Variants in RAB11FIP4 observed in about 807,000 individuals in gnomAD.
The protein encoded by RAB11FIP4 is RAB11 family interacting protein 4, also known as rab11 family-interacting protein 4.
RAB11FIP4 carries 23 observed loss-of-function variants against 74.3 expected under a neutral mutation model. That is an observed-to-expected ratio of 0.31 (90% CI 0.22 to 0.44). The LOEUF (loss-of-function observed/expected upper bound fraction) is 0.44, where lower values mean the gene tolerates loss of function less well. Ranked by LOEUF, RAB11FIP4 falls within the 20% of genes least tolerant of loss-of-function variation. The pLI is 1.00. For synonymous variants in RAB11FIP4, 360 were observed against 359.9 expected (o/e 1.00, Z 0.00); for missense variants, 630 against 863.9 (o/e 0.73, Z 3.39).
At chr17:31,517,189 TGCG>T (rs1198671406) in intron 3 of RAB11FIP4, among the ~76,000 whole-genome samples, 5 of 3,132 alleles carry the variant, frequency 1.6e-3, no homozygotes, top group African/African-American at 3.1e-3. Flanking sequence ...GAGGAGGCGG[TGCG>T]GGGGGGGGGG....
At chr17:31,440,780 C>G (rs368384651) in intron 3 of RAB11FIP4, among the ~76,000 whole-genome samples, 2 of 152,114 alleles carry the variant, frequency 1.3e-5, no homozygotes, top group African/African-American at 4.8e-5. Context: ...CACACACACA[C>G]AAAAACAAAT....
intron 11 of RAB11FIP4, among the ~76,000 whole-genome samples, 175 bp from the exon 12 acceptor site, chr17:31,528,231 A>G (rs994432763): frequency 1.3e-5 from 2 of 152,198 alleles, no homozygotes; most frequent in Non-Finnish European, 2.9e-5. Flanking sequence ...TATTTCTAGA[A>G]TCATCGGGGC....
chr17:31,432,413 C>T (rs537750995), intron 2 of RAB11FIP4, among the ~76,000 whole-genome samples: 55 of 150,784 alleles, frequency 3.6e-4, no homozygotes, highest in Admixed American at 1.3e-3. Context: ...TACTGGAGTG[C>T]AGTGCCACTA....
intron 1 of RAB11FIP4, among the ~76,000 whole-genome samples, chr17:31,427,629 A>C (rs2071266492): frequency 6.6e-6 from 1 of 151,872 alleles, no homozygotes; most frequent in African/African-American, 2.4e-5. Flanking sequence ...TCTGTGGCCG[A>C]CTCCACCCTT....
intron 14 of RAB11FIP4, 40 bp from the exon 15 acceptor site, chr17:31,531,576 C>T: frequency 7.1e-7 from 1 of 1,405,344 alleles, no homozygotes; most frequent in Non-Finnish European, 1.0e-6. Flanking sequence ...GCACCCTATC[C>T]CAGGCCCAGC....
At chr17:31,527,603 AG>A in intron 10 of RAB11FIP4, 2 of 476,794 alleles carry the variant, frequency 4.2e-6, no homozygotes, top group Non-Finnish European at 3.6e-6. Flanking sequence ...CAAAAAAAAA[AG>A]AAAGAAAATA....
At position 31,512,412 on chromosome 17, in the gene RAB11FIP4, G is replaced by A. The variant is rs1339532137; in HGVS notation, c.337-5239G>A. 6.6e-6 allele frequency among the ~76,000 whole-genome samples: 1 copy of A among 152,116 alleles called. No individual in the cohort carries two copies. Among genetic ancestry groups the A allele is most frequent in the East Asian group, 1.9e-4 (1 of 5,192 alleles). On this transcript the variant is annotated intron_variant, in intron 3 of 14. Transcript: ENST00000621161. The surrounding 1 kb of genome is among the most constrained non-coding windows in gnomAD (Gnocchi z 4.1). ...CAGGGCCGGAAACCCAGACTGCTAGGCCCCAGAGCTGAGCCCTCACCCAAG... is the reference window on the plus strand; with the variant it reads ...CAGGGCCGGAAACCCAGACTGCTAGACCCCAGAGCTGAGCCCTCACCCAAG...
chr17:31,517,202 G>A (rs2072571945), intron 3 of RAB11FIP4, among the ~76,000 whole-genome samples: 1 of 103,536 alleles, frequency 9.7e-6, no homozygotes, highest in Non-Finnish European at 2.1e-5. Flanking sequence ...GGGGGGGGGG[G>A]CGGTGGGGGG....
chr17:31,455,646 C>T (rs1402066499), intron 3 of RAB11FIP4, among the ~76,000 whole-genome samples: 1 of 57,318 alleles, frequency 1.7e-5, no homozygotes, highest in Non-Finnish European at 3.2e-5. Flanking sequence ...AGTGGGTCTG[C>T]TCTGATAATG....
Position 31,505,614 on chromosome 17 carries a change from ATATAATAT to A in RAB11FIP4, c.337-12036_337-12029del, listed in dbSNP as rs1354867755. Among the ~76,000 whole-genome samples, 50 of 37,934 alleles carry A rather than the reference ATATAATAT, an allele frequency of 1.3e-3. No individual in the cohort carries two copies. The East Asian group carries it at 0.029, about 22-fold the overall frequency. 24.9% of individuals were successfully genotyped at this position (37,934 alleles called of 152,430 possible). The stretch of plus-strand genomic sequence containing the variant: ...TTATATATTATATAATAATAATTAT[ATATAATAT>A]ATAATTATATAATAATAATTATATA... On this transcript the variant is annotated intron_variant, in intron 3 of 14. Coordinates refer to ENST00000621161, the MANE Select transcript of RAB11FIP4 (RefSeq NM_032932.6).
Position 31,500,734 on chromosome 17 carries a change from A to G in RAB11FIP4, c.337-16917A>G, listed in dbSNP as rs566131117. 7.9e-5 allele frequency among the ~76,000 whole-genome samples: 12 copies of G among 152,310 alleles called. No homozygotes were observed. In the East Asian group the frequency reaches 2.3e-3, roughly 29 times the overall value. On this transcript the variant is annotated intron_variant, in intron 3 of 14. Coordinates refer to ENST00000621161, the MANE Select transcript of RAB11FIP4 (RefSeq NM_032932.6). ...ATACTACTGAGAGAATGCACAAGAAAATGGAAGTGGCTGGGCATGGTGGCT... is the reference window on the plus strand; with the variant it reads ...ATACTACTGAGAGAATGCACAAGAAGATGGAAGTGGCTGGGCATGGTGGCT...
intron 1 of RAB11FIP4, among the ~76,000 whole-genome samples, chr17:31,414,974 T>C (rs2071133300): frequency 6.6e-6 from 1 of 152,192 alleles, no homozygotes; most frequent in Non-Finnish European, 1.5e-5. Context: ...TCCCCTTCCA[T>C]TGAGCTTCCC....
At chr17:31,504,623 A>G (rs1368718251) in intron 3 of RAB11FIP4, among the ~76,000 whole-genome samples, 1 of 152,248 alleles carries the variant, frequency 6.6e-6, no homozygotes, top group African/African-American at 2.4e-5. Context: ...AAAAGAAATT[A>G]GACTAAATAT....
At chr17:31,392,353 C>G (rs2070882580) in intron 1 of RAB11FIP4, 1 of 189,854 alleles carries the variant, frequency 5.3e-6, no homozygotes, top group African/African-American at 2.3e-5. Context: ...CCCTAGGCTC[C>G]CCACCCCACC....
intron 1 of RAB11FIP4, among the ~76,000 whole-genome samples, chr17:31,409,680 A>G (rs1193329418): frequency 2.0e-5 from 3 of 152,216 alleles, no homozygotes; most frequent in Non-Finnish European, 4.4e-5. Flanking sequence ...TCCTGGCATG[A>G]GGACAGATGC....
Position 31,537,537 on chromosome 17 carries a change from T to C in RAB11FIP4, c.*5805T>C, listed in dbSNP as rs2072986289. On this transcript the variant is annotated 3_prime_UTR_variant, in exon 15 of 15. Transcript: ENST00000621161. ...TCGGGCAAAGCATCACTCTTTAACCTGGGGCATTGGCCCCAGCAGGGATAT... is the reference window on the plus strand; with the variant it reads ...TCGGGCAAAGCATCACTCTTTAACCCGGGGCATTGGCCCCAGCAGGGATAT... The C allele has an allele frequency of 8.8e-6, 2 of 226,662 alleles. No individual in the cohort carries two copies. The highest frequency in any genetic ancestry group is 2.3e-5 in the African/African-American group (1 of 44,428). The allele number at this position is 226,662 out of a possible 1,614,324, so 14.0% of individuals were successfully genotyped here.
At chr17:31,519,087 T>C (rs2072616241) in intron 4 of RAB11FIP4, among the ~76,000 whole-genome samples, 1 of 141,008 alleles carries the variant, frequency 7.1e-6, no homozygotes, top group African/African-American at 2.6e-5. Context: ...CAATCTCAGC[T>C]CACTGCAACC....
At chr17:31,431,931 G>A (rs755965636) in intron 2 of RAB11FIP4, 31 bp downstream of exon 2, 10 of 1,510,698 alleles carry the variant, frequency 6.6e-6, no homozygotes, top group African/African-American at 5.5e-5. Context: ...TTTCCCAGGC[G>A]CTCTCCGGTC....
chr17:31,527,911 G>A lies in RAB11FIP4; in HGVS notation c.1344G>A (p.Glu448=). The change falls in exon 11 of 15, where the codon GAG becomes GAA. Residue 448 remains glutamate, a synonymous_variant. Transcript: ENST00000621161. ...TGACTCGGCTCAAGTCTCAAACAGA[G>A]AAACTGGATGAGGTGAGCAGCAGAT... The part of the protein sequence containing the change: ...TTVTRLKSQT[E]KLDEERQRMS... The A allele has an allele frequency of 6.3e-7, 1 of 1,598,110 alleles. No homozygotes were observed. Among genetic ancestry groups the A allele is most frequent in the Non-Finnish European group, 8.5e-7 (1 of 1,172,544 alleles).
Sources: allele counts gnomAD v4.1 joint callset (sites outside exome capture counted in the v4.1 genomes callset), GRCh38; gene constraint gnomAD v4.1.1; non-coding constraint Gnocchi (gnomAD v3.1); transcripts MANE v1.5; gene names NCBI Gene and HGNC (gene_info 2026-07-23, HGNC 2026-07-21).